NR6A1: variants seen among roughly 807,000 people sequenced by gnomAD.
NR6A1 encodes the protein nuclear receptor subfamily 6 group A member 1, also known as retinoic acid receptor-related testis-associated receptor.
Under a neutral mutation model 59.1 loss-of-function variants are expected in NR6A1, and 7 were observed. The observed-to-expected ratio is 0.12, with a 90% CI of 0.07 to 0.22. The LOEUF is 0.22. Ranked by LOEUF, NR6A1 falls within the 10% of genes least tolerant of loss-of-function variation. The probability of loss-of-function intolerance (pLI) is 1.00; values close to 1 mark genes in which losing one functional copy is unlikely to be tolerated. For missense variants in NR6A1, 468 were observed against 611.6 expected (o/e 0.77, Z 2.48); for synonymous variants, 243 against 236.1 (o/e 1.03, Z -0.27).
intron 1 of NR6A1, among the ~76,000 whole-genome samples, chr9:124,760,494 T>C (rs1023573582): frequency 1.3e-5 from 2 of 152,158 alleles, no homozygotes; most frequent in Admixed American, 6.5e-5. Flanking sequence ...AGGCAGATAC[T>C]ATGCTTGGCA....
chr9:124,539,987 G>T, intron 5 of NR6A1, 46 bp downstream of exon 5: 1 of 1,511,946 alleles, frequency 6.6e-7, no homozygotes, highest in Middle Eastern at 2.1e-4. Context: ...TCTCCCTTTG[G>T]TGGGGGATCC....
chr9:124,677,136 T>C (rs1451734792), intron 2 of NR6A1, among the ~76,000 whole-genome samples: 1 of 152,180 alleles, frequency 6.6e-6, no homozygotes, highest in Non-Finnish European at 1.5e-5. Flanking sequence ...GCTCATAAAC[T>C]AGATATATAA....
intron 2 of NR6A1, among the ~76,000 whole-genome samples, chr9:124,580,197 G>C (rs1834721238): frequency 6.6e-6 from 1 of 152,072 alleles, no homozygotes; most frequent in African/African-American, 2.4e-5. Flanking sequence ...TGGGTGAATG[G>C]ATCAACAAAC....
Position 124,558,792 on chromosome 9 carries a change from A to C in NR6A1, c.143-4222T>G, listed in dbSNP as rs373464899. On this transcript the variant is annotated intron_variant, in intron 2 of 9. Transcript: ENST00000487099. Reference sequence around the variant, plus strand: ...AGCAAGGTAAATCTACACATTCTACATGCAGGTAAGTCAGTCCCTTCCCCA... The same window carrying C: ...AGCAAGGTAAATCTACACATTCTACCTGCAGGTAAGTCAGTCCCTTCCCCA... Among the ~76,000 whole-genome samples the C allele has an allele frequency of 2.1e-4, 32 of 152,276 alleles. No individual in the cohort carries two copies. In the East Asian group the frequency reaches 5.6e-3, roughly 27 times the overall value.
chr9:124,559,198 A>G (rs956849097), intron 2 of NR6A1, among the ~76,000 whole-genome samples: 1 of 152,158 alleles, frequency 6.6e-6, no homozygotes, highest in Non-Finnish European at 1.5e-5. Flanking sequence ...AGGCCTTAGA[A>G]ATTGCCCTGT....
At chr9:124,741,835 C>T (rs1840180476) in intron 1 of NR6A1, among the ~76,000 whole-genome samples, 1 of 152,138 alleles carries the variant, frequency 6.6e-6, no homozygotes, top group African/African-American at 2.4e-5. Flanking sequence ...CCAATTTCCT[C>T]ATCTGTCGAT....
chr9:124,679,836 G>C (rs1445215140), intron 2 of NR6A1, among the ~76,000 whole-genome samples: 1 of 151,384 alleles, frequency 6.6e-6, no homozygotes, highest in Non-Finnish European at 1.5e-5. Flanking sequence ...GGTGGTGGTT[G>C]CAGTGAACCA....
At chr9:124,726,737 T>G (rs138304840) in intron 2 of NR6A1, among the ~76,000 whole-genome samples, 1 of 152,366 alleles carries the variant, frequency 6.6e-6, no homozygotes, top group Non-Finnish European at 1.5e-5. Context: ...CATGAGCCAG[T>G]CATCCATACA....
Position 124,571,989 on chromosome 9 carries a change from C to G in NR6A1, c.143-17419G>C, listed in dbSNP as rs78676098. Among the ~76,000 whole-genome samples, 44 of 151,076 alleles carry G rather than the reference C, an allele frequency of 2.9e-4. No homozygotes were observed. In the East Asian group the frequency reaches 8.6e-3, roughly 29 times the overall value. The stretch of plus-strand genomic sequence containing the variant: ...GCCTATATTTAGAGATCAGGAAGAA[C>G]AAGAAGAGATAGAAAAAAGGTACCC... On this transcript the variant is annotated intron_variant, in intron 2 of 9. Coordinates refer to ENST00000487099, the MANE Select transcript of NR6A1 (RefSeq NM_033334.4).
At chr9:124,713,332 A>G (rs191711918) in intron 2 of NR6A1, among the ~76,000 whole-genome samples, 1 of 152,244 alleles carries the variant, frequency 6.6e-6, no homozygotes, top group East Asian at 1.9e-4. Context: ...GCTTCATGAC[A>G]ATGGGTTTGG....
Position 124,700,190 on chromosome 9 carries a change from C to T in NR6A1, c.142+33118G>A, listed in dbSNP as rs183881641. Among the ~76,000 whole-genome samples, 162 of 150,990 alleles carry T rather than the reference C, an allele frequency of 1.1e-3. 1 individual carries two copies. The highest frequency in any genetic ancestry group is 3.8e-3 in the African/African-American group (156 of 41,058). On this transcript the variant is annotated intron_variant, in intron 2 of 9. Transcript: ENST00000487099. ...TAGGAGAAATCATATAACATGTACTCGCTTGAGTTTGGCTTTTTTTTTGAA... is the reference window on the plus strand; with the variant it reads ...TAGGAGAAATCATATAACATGTACTTGCTTGAGTTTGGCTTTTTTTTTGAA...
intron 2 of NR6A1, among the ~76,000 whole-genome samples, chr9:124,719,854 G>A (rs540452271): frequency 1.1e-4 from 17 of 152,028 alleles, no homozygotes; most frequent in South Asian, 2.1e-4. Flanking sequence ...CCAGGAGGTC[G>A]AGGCTGCAGT....
intron 2 of NR6A1, among the ~76,000 whole-genome samples, chr9:124,584,172 A>T (rs887335195): frequency 2.7e-5 from 4 of 148,998 alleles, no homozygotes; most frequent in Non-Finnish European, 5.9e-5. Context: ...CAATCTCAGC[A>T]TCTCAGCTCA....
At chr9:124,615,865 C>A (rs944720148) in intron 2 of NR6A1, among the ~76,000 whole-genome samples, 1 of 151,928 alleles carries the variant, frequency 6.6e-6, no homozygotes, top group African/African-American at 2.4e-5. Context: ...GACAGAGTCT[C>A]GCTCTGTAGC....
At chr9:124,745,913 G>A (rs377663021) in intron 1 of NR6A1, among the ~76,000 whole-genome samples, 14 of 150,046 alleles carry the variant, frequency 9.3e-5, no homozygotes, top group East Asian at 3.9e-4. Context: ...GCTTGAATCC[G>A]GGAGGCAGAG....
At chr9:124,758,340 C>T (rs761885601) in intron 1 of NR6A1, among the ~76,000 whole-genome samples, 28 of 152,190 alleles carry the variant, frequency 1.8e-4, no homozygotes, top group Non-Finnish European at 3.4e-4. Flanking sequence ...AAGGAAGTTT[C>T]CCTTCTGTTT....
chr9:124,758,699 G>C (rs1840705863), intron 1 of NR6A1, among the ~76,000 whole-genome samples: 2 of 152,164 alleles, frequency 1.3e-5, no homozygotes, highest in Admixed American at 1.3e-4. Flanking sequence ...GATAAATTAT[G>C]GGATCTCACA....
At chr9:124,763,921 T>C (rs542605819) in intron 1 of NR6A1, among the ~76,000 whole-genome samples, 3 of 152,184 alleles carry the variant, frequency 2.0e-5, no homozygotes, top group South Asian at 2.1e-4. Context: ...CGGTGGCTCA[T>C]GTCTGTAATC....
At chr9:124,692,619 G>T in intron 2 of NR6A1, 1 of 337,520 alleles carries the variant, frequency 3.0e-6, no homozygotes, top group Non-Finnish European at 6.8e-6. Flanking sequence ...GAGTTCACCA[G>T]AAATGGTCCT....
Sources: gnomAD v4.1 joint callset for allele counts (sites outside exome capture counted in the v4.1 genomes callset) on GRCh38, gnomAD v4.1.1 for gene constraint, MANE v1.5 for transcripts, NCBI Gene and HGNC (gene_info 2026-07-23, HGNC 2026-07-21) for gene names.